The following DPP10 variants were observed in gnomAD, a reference collection of about 807,000 sequenced individuals.
DPP10 encodes the protein inactive dipeptidyl peptidase 10.
A neutral mutation model predicts 120.9 loss-of-function variants in DPP10; 33 were observed. The ratio of observed to expected loss-of-function variants is 0.27; its 90% CI spans 0.21 to 0.37. The LOEUF (loss-of-function observed/expected upper bound fraction) is 0.37. Ranked by LOEUF, DPP10 falls within the 10% of genes least tolerant of loss-of-function variation. The pLI is 1.00. For synonymous variants in DPP10, 337 were observed against 326.1 expected, an observed-to-expected ratio of 1.03 and a Z score of -0.36; for missense variants, 816 against 942.8, an observed-to-expected ratio of 0.87 and a Z score of 1.76.
rs796342332 is a variant in DPP10, at chr2:115,389,643, C to T, written c.271+45731C>T. Among the ~76,000 whole-genome samples, 13 of 152,154 alleles carry T rather than the reference C, an allele frequency of 8.5e-5. 1 individual carries two copies. Among genetic ancestry groups the T allele is most frequent in the African/African-American group, 1.4e-4 (6 of 41,516 alleles). ...AGTGGCTGGATGGTGAGAAGAGTCC[C>T]GTTAGAGTAATGCCCATGAATTATA... On this transcript the variant is annotated intron_variant, in intron 3 of 25. Coordinates refer to ENST00000410059, the MANE Select transcript of DPP10 (RefSeq NM_020868.6).
intron 1 of DPP10, among the ~76,000 whole-genome samples, chr2:114,934,964 T>G (rs1408886805): frequency 6.6e-6 from 1 of 152,206 alleles, no homozygotes; most frequent in East Asian, 1.9e-4. Flanking sequence ...TAATCATATT[T>G]TCTCATTCAT....
At chr2:115,818,040 C>G (rs910687949) in intron 21 of DPP10, among the ~76,000 whole-genome samples, 4 of 151,634 alleles carry the variant, frequency 2.6e-5, no homozygotes, top group Non-Finnish European at 4.4e-5. Context: ...CCAGAAAATA[C>G]AGTTCATTGA....
chr2:115,336,771 G>A (rs998101440), intron 2 of DPP10, among the ~76,000 whole-genome samples: 2 of 151,858 alleles, frequency 1.3e-5, no homozygotes, highest in African/African-American at 4.8e-5. Context: ...TTTCTCTAAA[G>A]ATTAATAAAA....
At chr2:114,758,060 C>T (rs1462331556) in intron 1 of DPP10, among the ~76,000 whole-genome samples, 1 of 152,142 alleles carries the variant, frequency 6.6e-6, no homozygotes, top group Admixed American at 6.5e-5. Flanking sequence ...CCAGAGTTCC[C>T]GTGGTTCTCC....
intron 1 of DPP10, among the ~76,000 whole-genome samples, chr2:115,083,053 A>C (rs1054724021): frequency 6.6e-6 from 1 of 152,210 alleles, no homozygotes; most frequent in African/African-American, 2.4e-5. Flanking sequence ...TAAACAATCT[A>C]TACTCTTTTA....
chr2:115,697,853 C>T (rs900773605), intron 7 of DPP10, among the ~76,000 whole-genome samples: 2 of 151,978 alleles, frequency 1.3e-5, no homozygotes, highest in African/African-American at 2.4e-5. Context: ...GGCGTGGTGG[C>T]GGGCGCCTGT....
intron 1 of DPP10, among the ~76,000 whole-genome samples, chr2:114,707,657 G>A (rs554785671): frequency 2.0e-5 from 3 of 152,132 alleles, no homozygotes; most frequent in Non-Finnish European, 4.4e-5. Context: ...TGGGTGACAA[G>A]AGAACAGAAC....
intron 1 of DPP10, among the ~76,000 whole-genome samples, chr2:114,921,045 C>G (rs995262699): frequency 1.3e-5 from 2 of 151,996 alleles, no homozygotes; most frequent in African/African-American, 2.4e-5. Flanking sequence ...TTTAATTTAC[C>G]AAAAATAAAT....
chr2:115,744,227 G>C (rs1168940606), intron 9 of DPP10, among the ~76,000 whole-genome samples: 1 of 150,164 alleles, frequency 6.7e-6, no homozygotes, highest in East Asian at 1.9e-4. Context: ...TACGGTCCAA[G>C]AACAACACTT....
At chr2:114,591,874 A>T (rs1158415117) in intron 1 of DPP10, among the ~76,000 whole-genome samples, 2 of 152,220 alleles carry the variant, frequency 1.3e-5, no homozygotes, top group African/African-American at 2.4e-5. Flanking sequence ...TGTTGACTTT[A>T]TACAGCTACA....
chr2:115,666,710 G>A (rs959219600), intron 5 of DPP10, among the ~76,000 whole-genome samples: 1 of 152,142 alleles, frequency 6.6e-6, no homozygotes, highest in East Asian at 1.9e-4. Flanking sequence ...ATAGTGTTGT[G>A]ATGAACAGAC....
intron 1 of DPP10, among the ~76,000 whole-genome samples, chr2:115,025,470 C>T (rs1047546741): frequency 6.6e-6 from 1 of 152,114 alleles, no homozygotes; most frequent in Non-Finnish European, 1.5e-5. Context: ...TACGTGACTA[C>T]AGGTATCTCT....
At chr2:115,644,149 TC>T (rs2087020936) in intron 5 of DPP10, among the ~76,000 whole-genome samples, 1 of 151,866 alleles carries the variant, frequency 6.6e-6, no homozygotes, top group African/African-American at 2.4e-5. Context: ...AATAATAGTT[TC>T]TTTTTTTAAA....
At chr2:115,370,230 C>T (rs1409516732) in intron 3 of DPP10, among the ~76,000 whole-genome samples, 1 of 152,040 alleles carries the variant, frequency 6.6e-6, no homozygotes, top group Non-Finnish European at 1.5e-5. Context: ...AAATTGAGAG[C>T]TTGTTTATAG....
At chr2:115,313,987 G>T (rs950642931) in intron 2 of DPP10, among the ~76,000 whole-genome samples, 3 of 152,126 alleles carry the variant, frequency 2.0e-5, no homozygotes, top group African/African-American at 7.2e-5. Context: ...ACAAATATAT[G>T]AGTGTACATT....
intron 1 of DPP10, among the ~76,000 whole-genome samples, chr2:115,166,293 T>C (rs2052837102): frequency 6.6e-6 from 1 of 151,770 alleles, no homozygotes; most frequent in South Asian, 2.1e-4. Flanking sequence ...ATAAATCATA[T>C]TGAAAAATTT....
intron 1 of DPP10, among the ~76,000 whole-genome samples, chr2:114,686,907 C>A (rs1177281340): frequency 6.6e-6 from 1 of 151,878 alleles, no homozygotes; most frequent in African/African-American, 2.4e-5. Context: ...ACTATTGCAA[C>A]CAGAACCAAG....
chr2:115,485,329 CAA>C (rs72473311), intron 3 of DPP10, among the ~76,000 whole-genome samples: 21,002 of 151,404 alleles, frequency 0.14, 3,181 homozygotes, highest in African/African-American at 0.37. Context: ...ACCTATTGCC[CAA>C]AGTTATTGCC....
At chr2:115,090,122 G>A (rs544084811) in intron 1 of DPP10, among the ~76,000 whole-genome samples, 2 of 151,186 alleles carry the variant, frequency 1.3e-5, no homozygotes, top group South Asian at 2.1e-4. Flanking sequence ...CTTCTTGAGT[G>A]TCACATTTGT....
Sources: gnomAD v4.1 joint callset for allele counts (sites outside exome capture counted in the v4.1 genomes callset) on GRCh38, gnomAD v4.1.1 for gene constraint, MANE v1.5 for transcripts, NCBI Gene and HGNC (gene_info 2026-07-23, HGNC 2026-07-21) for gene names.